DMAP1: variants seen among roughly 807,000 people sequenced by gnomAD.
DMAP1 encodes DNA methyltransferase 1 associated protein 1.
In DMAP1, 26 loss-of-function variants were observed where a neutral mutation model predicts 52.7. The ratio of observed to expected loss-of-function variants is 0.49; its 90% CI spans 0.36 to 0.68. The LOEUF (loss-of-function observed/expected upper bound fraction) is 0.68. Among genes scored for constraint, DMAP1 ranks in the 30% least tolerant of loss-of-function variants. The probability of loss-of-function intolerance (pLI) is 0.00; values close to 1 mark genes in which losing one functional copy is unlikely to be tolerated. For synonymous variants in DMAP1, 231 were observed against 246.0 expected (o/e 0.94, Z 0.57); for missense variants, 439 against 625.2 (o/e 0.70, Z 3.18).
intron 1 of DMAP1, 132 bp from the exon 2 acceptor site, chr1:44,214,218 G>T: frequency 1.2e-6 from 1 of 856,836 alleles, no homozygotes. Context: ...GTGGGTTTCT[G>T]TGCCTTTACA....
rs1381256649 is a variant in DMAP1, at chr1:44,214,785, C to T, written c.280C>T (p.Pro94Ser). 1.2e-6 allele frequency: 2 copies of T among 1,614,180 alleles called. No homozygotes were observed. Among genetic ancestry groups the T allele is most frequent in the East Asian group, 2.2e-5 (1 of 44,880 alleles). The change falls in exon 3 of 10, where the codon CCT (proline) becomes TCT (serine). Residue 94 changes from proline to serine, a missense_variant. Pro to Ser is a moderately conservative substitution (Grantham distance 74). Coordinates refer to ENST00000372289, the MANE Select transcript of DMAP1 (RefSeq NM_019100.5). ...KAKLGSKKVR[P>S]WKWMPFTNPA... Reference sequence around the variant, plus strand: ...CAAGTTGGGCTCCAAGAAGGTGCGGCCTTGGAAGTGGATGCCATTCACCAA... The same window carrying T: ...CAAGTTGGGCTCCAAGAAGGTGCGGTCTTGGAAGTGGATGCCATTCACCAA...
At position 44,219,446 on chromosome 1, in the gene DMAP1, A is replaced by G. The variant is rs1404392079; in HGVS notation, c.947A>G (p.Lys316Arg). ...GCAGGCATCAAGTTTCCAGACTTCA[A>G]GTCTGCAGGTGTCACGCTGCGGAGC... ...ETAGIKFPDF[K>R]SAGVTLRSQR... The change falls in exon 7 of 10, where the codon AAG becomes AGG. Residue 316 changes from lysine (K) to arginine (R), a missense_variant. Transcript: ENST00000372289. 5 of 1,594,122 alleles carry G rather than the reference A, an allele frequency of 3.1e-6. No homozygotes were observed. The highest frequency in any genetic ancestry group is 4.3e-6 in the Non-Finnish European group (5 of 1,172,392).
At position 44,220,275 on chromosome 1, in the gene DMAP1, T is replaced by C. The variant is rs180793137; in HGVS notation, c.1310T>C (p.Ile437Thr). 3.8e-6 allele frequency: 6 copies of C among 1,560,856 alleles called. No homozygotes were observed. The highest frequency in any genetic ancestry group is 2.7e-5 in the African/African-American group (2 of 73,864). The change falls in exon 9 of 10, where the codon ATT becomes ACT. Residue 437 changes from isoleucine to threonine, a missense_variant. Physicochemically the swap from Ile to Thr is moderately conservative, Grantham distance 89. Coordinates refer to ENST00000372289, the MANE Select transcript of DMAP1 (RefSeq NM_019100.5). ...GGTCCTGACCCCAAGGACACCATCATTGATGTGGTGGGCGCACCCCTCACG... is the reference window on the plus strand; with the variant it reads ...GGTCCTGACCCCAAGGACACCATCACTGATGTGGTGGGCGCACCCCTCACG... ...GLGPDPKDTI[I>T]DVVGAPLTPN...
At position 44,220,207 on chromosome 1, in the gene DMAP1, A is replaced by G. The variant is rs1283793692; in HGVS notation, c.1242A>G (p.Pro414=). ...LGGPATPASG[P]GPASAEPAVT... ...GCCCTGCCACACCAGCATCAGGCCC[A>G]GGCCCGGCCTCTGCTGAGCCGGCAG... Residue 414 remains proline (P), a synonymous_variant, in exon 9 of 10, where the codon CCA becomes CCG. Coordinates refer to ENST00000372289, the MANE Select transcript of DMAP1 (RefSeq NM_019100.5). The G allele has an allele frequency of 6.3e-7, 1 of 1,596,522 alleles. No individual in the cohort carries two copies. Among genetic ancestry groups the G allele is most frequent in the Non-Finnish European group, 8.6e-7 (1 of 1,166,712 alleles).
chr1:44,220,073 G>A lies in DMAP1; in HGVS notation c.1108G>A (p.Asp370Asn), dbSNP rs1643875978. The change falls in exon 9 of 10, where the codon GAC (aspartate) becomes AAC (asparagine). Residue 370 changes from aspartate to asparagine, a missense_variant. Physicochemically the swap from Asp to Asn is conservative, Grantham distance 23. Transcript: ENST00000372289. ...LVHMFNELRSDLVLLYELKQA... is the reference protein window; with the variant it reads ...LVHMFNELRSNLVLLYELKQA... ...GCACATGTTCAATGAGCTGCGAAGC[G>A]ACCTGGTGCTGCTCTACGAGCTCAA... 1.1e-5 allele frequency: 17 copies of A among 1,608,374 alleles called. No individual in the cohort carries two copies. The highest frequency in any genetic ancestry group is 1.3e-5 in the African/African-American group (1 of 74,834).
At position 44,220,035 on chromosome 1, in the gene DMAP1, C is replaced by T. The variant is rs1173638863; in HGVS notation, c.1070C>T (p.Thr357Met). Reference sequence around the variant, plus strand: ...CCTGCAGAGCTGAGCCCGACACCTACGGAGGAGCTGGTGCACATGTTCAAT... The same window carrying T: ...CCTGCAGAGCTGAGCCCGACACCTATGGAGGAGCTGGTGCACATGTTCAAT... ...ELGVELSPTP[T>M]EELVHMFNEL... Residue 357 changes from threonine (T) to methionine (M), a missense_variant, in exon 9 of 10, where the codon ACG becomes ATG. Thr to Met is a moderately conservative substitution (Grantham distance 81). Coordinates refer to ENST00000372289, the MANE Select transcript of DMAP1 (RefSeq NM_019100.5). The T allele has an allele frequency of 6.2e-7, 1 of 1,600,944 alleles. No homozygotes were observed. Among genetic ancestry groups the T allele is most frequent in the Non-Finnish European group, 8.5e-7 (1 of 1,170,636 alleles).
chr1:44,214,486 C>A lies in DMAP1; in HGVS notation c.197+45C>A, dbSNP rs377539907. 2.0e-5 allele frequency: 32 copies of A among 1,613,482 alleles called. No individual in the cohort carries two copies. In the African/African-American group the frequency reaches 2.4e-4, roughly 12 times the overall value. On this transcript the variant is annotated intron_variant, in intron 2 of 9. Coordinates refer to ENST00000372289, the MANE Select transcript of DMAP1 (RefSeq NM_019100.5). Reference sequence around the variant, plus strand: ...GTCCCCCAGGTTTTGGCCCCTGATTCACCTGCCATGCCCCTAACTCCTAGT... The same window carrying A: ...GTCCCCCAGGTTTTGGCCCCTGATTAACCTGCCATGCCCCTAACTCCTAGT...
chr1:44,219,402 C>T lies in DMAP1; in HGVS notation c.907-4C>T. On this transcript the variant is annotated splice_polypyrimidine_tract_variant and splice_region_variant and intron_variant, in intron 6 of 9. Transcript: ENST00000372289. ...CTTGGTCTCCATAATGCCTTCTCCC[C>T]CAGGCTGTTCCTGAGACTGCAGGCA... 6.3e-7 allele frequency: 1 copy of T among 1,580,220 alleles called. No individual in the cohort carries two copies.
intron 3 of DMAP1, chr1:44,217,520 G>T (rs1643819294): frequency 1.3e-5 from 2 of 152,370 alleles, no homozygotes; most frequent in Admixed American, 6.5e-5. Flanking sequence ...CAGCTGGGTT[G>T]GGTGATGGTG....
chr1:44,214,988 G>A, intron 3 of DMAP1, 90 bp downstream of exon 3: 1 of 1,492,698 alleles, frequency 6.7e-7, no homozygotes, highest in African/African-American at 1.4e-5. Context: ...GGTTGGTTCT[G>A]GGGGCACGCT....
rs1643843315 is a variant in DMAP1 at position 44,218,667 on chromosome 1, C to T, written c.632C>T (p.Thr211Ile). ...GCCAACGTGCGGGCTGTGCCAGGCA[C>T]AGACCTTAAGATACCAGTATTTGAT... ...KLANVRAVPG[T>I]DLKIPVFDAG... The change falls in exon 5 of 10, where the codon ACA becomes ATA. Residue 211 changes from threonine (T) to isoleucine (I), a missense_variant. Transcript: ENST00000372289. The surrounding 1 kb of genome is among the most constrained non-coding windows in gnomAD (Gnocchi z 5.6). 1 of 1,614,074 alleles carries T rather than the reference C, an allele frequency of 6.2e-7. No individual in the cohort carries two copies.
chr1:44,214,945 T>G (rs566262746), intron 3 of DMAP1, 47 bp downstream of exon 3: 1 of 1,609,768 alleles, frequency 6.2e-7, no homozygotes, highest in Non-Finnish European at 8.5e-7. Context: ...CCTCCCACTT[T>G]GAGCCATTTG....
Position 44,214,741 on chromosome 1 carries a change from G to T in DMAP1, c.236G>T (p.Gly79Val). 6.2e-7 allele frequency: 1 copy of T among 1,613,668 alleles called. No individual in the cohort carries two copies. The highest frequency in any genetic ancestry group is 1.1e-5 in the South Asian group (1 of 91,054). Reference sequence around the variant, plus strand: ...CTGCTACCCAGTGACACTGGCCAGGGATACCGTACAGTGAAGGCCAAGTTG... The same window carrying T: ...CTGCTACCCAGTGACACTGGCCAGGTATACCGTACAGTGAAGGCCAAGTTG... Reference protein sequence around the residue: ...PPLLPSDTGQGYRTVKAKLGS... With the variant: ...PPLLPSDTGQVYRTVKAKLGS... Residue 79 changes from glycine (G) to valine (V), a missense_variant, in exon 3 of 10, where the codon GGA becomes GTA. Physicochemically the swap from Gly to Val is moderately radical, Grantham distance 109. Transcript: ENST00000372289.
At chr1:44,217,338 A>G (rs1643815229) in intron 3 of DMAP1, 1 of 152,332 alleles carries the variant, frequency 6.6e-6, no homozygotes. Context: ...GAATGTGGGC[A>G]GAGATCAGTA....
rs149066039 is a variant in DMAP1, at chr1:44,220,024, C to T, written c.1059C>T (p.Ser353=). 684 of 1,599,192 alleles carry T rather than the reference C, an allele frequency of 4.3e-4. 6 individuals are homozygous for T. The African/African-American group carries it at 7.8e-3, about 18-fold the overall frequency. ...QMLLELGVEL[S]PTPTEELVHM... Reference sequence around the variant, plus strand: ...CCTGCCGCCTGCCTGCAGAGCTGAGCCCGACACCTACGGAGGAGCTGGTGC... The same window carrying T: ...CCTGCCGCCTGCCTGCAGAGCTGAGTCCGACACCTACGGAGGAGCTGGTGC... The change falls in exon 9 of 10, where the codon AGC becomes AGT. Residue 353 remains serine (S), a synonymous_variant. Transcript: ENST00000372289.
In DMAP1 at chr1:44,218,912, C is replaced by A; in HGVS notation, c.721-144C>A. The A allele has an allele frequency of 7.1e-7, 1 of 1,403,800 alleles. No individual in the cohort carries two copies. Among genetic ancestry groups the A allele is most frequent in the Non-Finnish European group, 9.7e-7 (1 of 1,029,908 alleles). The allele number at this position is 1,403,800 out of a possible 1,614,324, so 87.0% of individuals were successfully genotyped here. A position where few individuals can be genotyped will look rare whatever the true frequency, so the allele number is the denominator to read the frequency against. On this transcript the variant is annotated intron_variant, in intron 5 of 9. Transcript: ENST00000372289. This position sits in a 1 kb window ranked among gnomAD's most constrained non-coding sequence, Gnocchi z 5.6. ...CATTCCTACTTCTCATGGGCCATCC[C>A]CCCTGCTTTTCATAGCCCTTCACCT... is the stretch of plus-strand genomic sequence containing the variant.
In DMAP1 at chr1:44,218,682, C is replaced by A. The variant is rs775655920; in HGVS notation, c.647C>A (p.Pro216Gln). 6.2e-7 allele frequency: 1 copy of A among 1,613,942 alleles called. No individual in the cohort carries two copies. Among genetic ancestry groups the A allele is most frequent in the Non-Finnish European group, 8.5e-7 (1 of 1,179,874 alleles). The change falls in exon 5 of 10, where the codon CCA becomes CAA. Residue 216 changes from proline (P) to glutamine (Q), a missense_variant. Pro to Gln is a moderately conservative substitution (Grantham distance 76). Transcript: ENST00000372289. The surrounding 1 kb of genome is among the most constrained non-coding windows in gnomAD (Gnocchi z 5.6). ...RAVPGTDLKI[P>Q]VFDAGHERRR... ...GTGCCAGGCACAGACCTTAAGATACCAGTATTTGATGCTGGGCACGAACGA... is the reference window on the plus strand; with the variant it reads ...GTGCCAGGCACAGACCTTAAGATACAAGTATTTGATGCTGGGCACGAACGA...
Position 44,220,539 on chromosome 1 carries a change from T to G in DMAP1, c.1345-20T>G, listed in dbSNP as rs1643882553. 1 of 1,614,124 alleles carries G rather than the reference T, an allele frequency of 6.2e-7. No homozygotes were observed. Among genetic ancestry groups the G allele is most frequent in the Admixed American group, 1.7e-5 (1 of 60,014 alleles). On this transcript the variant is annotated intron_variant, in intron 9 of 9. Coordinates refer to ENST00000372289, the MANE Select transcript of DMAP1 (RefSeq NM_019100.5). ...GGCCTTGGGGGGTCACTGACCTCAATGCCTTCTGTGTATCCTCAGAGAAAG... is the reference window on the plus strand; with the variant it reads ...GGCCTTGGGGGGTCACTGACCTCAAGGCCTTCTGTGTATCCTCAGAGAAAG...
In DMAP1 at chr1:44,213,851, C is replaced by T. The variant is rs868865806; in HGVS notation, c.98C>T (p.Pro33Leu). The stretch of plus-strand genomic sequence containing the variant: ...ATCAGCAAGAAGGACATTATCAACC[C>T]GGACAAGGTAGCAGGGGCACCTGAA... ...GTISKKDIIN[P>L]DKKKSKKSSE... Residue 33 changes from proline (P) to leucine (L), a missense_variant, in exon 1 of 10, where the codon CCG (proline) becomes CTG (leucine). Physicochemically the swap from Pro to Leu is moderately conservative, Grantham distance 98. Around this residue, in one of 3 missense-constraint regions of DMAP1, gnomAD observed 118 missense variants for 189.8 expected, o/e 0.62. Coordinates refer to ENST00000372289, the MANE Select transcript of DMAP1 (RefSeq NM_019100.5). This position sits in a 1 kb window ranked among gnomAD's most constrained non-coding sequence, Gnocchi z 4.5. The T allele has an allele frequency of 5.7e-6, 9 of 1,584,206 alleles. No homozygotes were observed. The highest frequency in any genetic ancestry group is 1.8e-5 in the Admixed American group (1 of 55,902).
Sources: allele counts gnomAD v4.1 joint callset, GRCh38; gene constraint gnomAD v4.1.1; regional missense constraint gnomAD v4.1.1; non-coding constraint Gnocchi (gnomAD v3.1); transcripts MANE v1.5; gene names NCBI Gene and HGNC (gene_info 2026-07-23, HGNC 2026-07-21).